Variants in TMBIM4 observed in about 807,000 individuals in gnomAD.
The protein encoded by TMBIM4 is protein lifeguard 4.
In TMBIM4, 28 loss-of-function variants were observed where a neutral mutation model predicts 27.7. The ratio of observed to expected loss-of-function variants is 1.01; its 90% CI spans 0.75 to 1.38. The LOEUF is 1.38. Among genes scored for constraint, TMBIM4 ranks in the 40% most tolerant of loss-of-function variants. The pLI, the probability that TMBIM4 is intolerant of heterozygous loss-of-function variation, is 0.00. For synonymous variants in TMBIM4, 115 were observed against 113.1 expected, an observed-to-expected ratio of 1.02 and a Z score of -0.11; for missense variants, 265 against 277.5, an observed-to-expected ratio of 0.95 and a Z score of 0.32.
At chr12:66,169,429 A>G in intron 1 of TMBIM4, 1 of 519,972 alleles carries the variant, frequency 1.9e-6, no homozygotes, top group Non-Finnish European at 3.4e-6. Flanking sequence ...GTAACGCGAA[A>G]CCCCACAGAA....
chr12:66,169,661 G>A (rs1406748429), intron 1 of TMBIM4, 194 bp downstream of exon 1: 1 of 474,792 alleles, frequency 2.1e-6, no homozygotes, highest in East Asian at 3.5e-5. Context: ...GCTAGGAGGG[G>A]AGGAAGCGCC....
chr12:66,168,867 A>G (rs2052180630), intron 1 of TMBIM4: 1 of 174,664 alleles, frequency 5.7e-6, no homozygotes, highest in Admixed American at 6.4e-5. Flanking sequence ...ACTTAACACT[A>G]CTGAACTATA....
rs190014902 is a variant in TMBIM4, at chr12:66,150,691, A to G, written c.312+1580T>C. Among the ~76,000 whole-genome samples, 27 of 152,314 alleles carry G rather than the reference A, an allele frequency of 1.8e-4. No individual in the cohort carries two copies. The East Asian group carries it at 5.2e-3, about 29-fold the overall frequency. On this transcript the variant is annotated intron_variant, in intron 3 of 6. Transcript: ENST00000358230. ...GCCTCCCAAAGTGCGGGGATCACAC[A>G]GGCGTGAGCCACCACGCCTGGACCA...
At chr12:66,145,647 T>C (rs2051738880) in intron 5 of TMBIM4, among the ~76,000 whole-genome samples, 194 bp downstream of exon 5, 1 of 151,912 alleles carries the variant, frequency 6.6e-6, no homozygotes, top group Non-Finnish European at 1.5e-5. Flanking sequence ...GAGAAGCAAA[T>C]AAGTCAAAGC....
rs779396884 is a variant in TMBIM4 at position 66,153,350 on chromosome 12, C to T, written c.196G>A (p.Val66Ile). Reference protein sequence around the residue: ...FLYFESVRTFVHESPALILLF... With the variant: ...FLYFESVRTFIHESPALILLF... ...ATCTCATTACCTTACCTCTCATGTA[C>T]AAATGTCCGTACAGACTCAAAGTAT... The change falls in exon 2 of 7, where the codon GTA becomes ATA. Residue 66 changes from valine (V) to isoleucine (I), a missense_variant. Transcript: ENST00000358230. 6.4e-7 allele frequency: 1 copy of T among 1,563,106 alleles called. No homozygotes were observed. The highest frequency in any genetic ancestry group is 1.2e-5 in the South Asian group (1 of 85,358).
chr12:66,166,526 A>G (rs894924459), intron 1 of TMBIM4, among the ~76,000 whole-genome samples: 3 of 152,122 alleles, frequency 2.0e-5, no homozygotes, highest in African/African-American at 7.2e-5. Context: ...CAAATGGCAA[A>G]TAAGTATATG....
intron 1 of TMBIM4, among the ~76,000 whole-genome samples, chr12:66,155,041 G>A (rs887978393): frequency 3.3e-5 from 5 of 152,068 alleles, no homozygotes; most frequent in Non-Finnish European, 7.4e-5. Context: ...TTCTCAAAAA[G>A]GCCCTGATGT....
At chr12:66,165,888 T>C (rs945027839) in intron 1 of TMBIM4, among the ~76,000 whole-genome samples, 2 of 152,198 alleles carry the variant, frequency 1.3e-5, no homozygotes, top group Admixed American at 6.5e-5. Context: ...TTTCACTCTG[T>C]TGAATGTGTT....
chr12:66,152,901 T>C (rs2051872171), intron 2 of TMBIM4, among the ~76,000 whole-genome samples: 2 of 151,842 alleles, frequency 1.3e-5, no homozygotes, highest in African/African-American at 4.8e-5. Context: ...TTATGATTCA[T>C]CCCTGATTAA....
rs1849979365 is a variant in TMBIM4 at position 66,137,883 on chromosome 12, C to G, written c.*77G>C. The G allele has an allele frequency of 6.7e-6, 8 of 1,186,060 alleles. No individual in the cohort carries two copies. The highest frequency in any genetic ancestry group is 9.8e-6 in the Non-Finnish European group (8 of 815,036). 73.5% of individuals were successfully genotyped at this position (1,186,060 alleles called of 1,614,324 possible). Reference sequence around the variant, plus strand: ...TACTTAATGAAACAGTTTCTATATACTGCTTCCAATTACTTTAATCCTTTT... The same window carrying G: ...TACTTAATGAAACAGTTTCTATATAGTGCTTCCAATTACTTTAATCCTTTT... On this transcript the variant is annotated 3_prime_UTR_variant, in exon 7 of 7. Coordinates refer to ENST00000358230, the MANE Select transcript of TMBIM4 (RefSeq NM_016056.4).
intron 1 of TMBIM4, chr12:66,160,332 G>A (rs2136878657): frequency 1.5e-6 from 1 of 661,144 alleles, no homozygotes; most frequent in East Asian, 2.8e-5. Context: ...AATTTAAAAT[G>A]CACATACTCT....
intron 1 of TMBIM4, chr12:66,160,973 G>A (rs2052028189): frequency 6.6e-6 from 1 of 151,576 alleles, no homozygotes; most frequent in South Asian, 2.1e-4. Flanking sequence ...CGGCCGGGCA[G>A]AGGCGCTGCT....
intron 1 of TMBIM4, among the ~76,000 whole-genome samples, chr12:66,164,274 A>C (rs907801992): frequency 1.3e-5 from 2 of 152,194 alleles, no homozygotes; most frequent in African/African-American, 4.8e-5. Flanking sequence ...TTTCTTAGAA[A>C]AAAACATTTA....
intron 5 of TMBIM4, 111 bp downstream of exon 5, chr12:66,145,730 C>T: frequency 1.6e-6 from 1 of 617,392 alleles, no homozygotes; most frequent in Non-Finnish European, 2.9e-6. Flanking sequence ...CTCTTATTAC[C>T]CTCCATTTTA....
At chr12:66,163,684 T>C (rs568516391) in intron 1 of TMBIM4, among the ~76,000 whole-genome samples, 2 of 152,286 alleles carry the variant, frequency 1.3e-5, no homozygotes. Context: ...AAGGTGAGAT[T>C]TGGATACGGA....
At chr12:66,142,284 T>A (rs935100905) in intron 5 of TMBIM4, among the ~76,000 whole-genome samples, 1 of 151,688 alleles carries the variant, frequency 6.6e-6, no homozygotes, top group African/African-American at 2.4e-5. Flanking sequence ...ACATAGATCC[T>A]TCAGGACTGA....
intron 1 of TMBIM4, among the ~76,000 whole-genome samples, chr12:66,166,188 G>C (rs976649978): frequency 6.6e-6 from 1 of 152,096 alleles, no homozygotes; most frequent in Admixed American, 6.5e-5. Context: ...TGATTGGCTG[G>C]GCACAGTGGC....
intron 1 of TMBIM4, among the ~76,000 whole-genome samples, chr12:66,165,996 C>G (rs148423169): frequency 2.0e-5 from 3 of 152,286 alleles, no homozygotes; most frequent in African/African-American, 7.2e-5. Flanking sequence ...ATTGCCAAAT[C>G]CAATGTCCTC....
chr12:66,141,901 C>T (rs2051674991), intron 5 of TMBIM4, among the ~76,000 whole-genome samples: 2 of 152,202 alleles, frequency 1.3e-5, no homozygotes, highest in Middle Eastern at 3.4e-3. Context: ...TTCAACACCC[C>T]TCTCACATTG....
Sources: allele counts gnomAD v4.1 joint callset (sites outside exome capture counted in the v4.1 genomes callset), GRCh38; gene constraint gnomAD v4.1.1; transcripts MANE v1.5; gene names NCBI Gene and HGNC (gene_info 2026-07-23, HGNC 2026-07-21).